Variants in CCDC102B observed in about 807,000 individuals in gnomAD.
CCDC102B encodes the protein coiled-coil domain containing 102B.
A neutral mutation model predicts 57.4 loss-of-function variants in CCDC102B; 75 were observed. The observed-to-expected ratio is 1.31, with a 90% CI of 1.08 to 1.58. CCDC102B has a LOEUF of 1.58. Among genes scored for constraint, CCDC102B ranks in the 40% most tolerant of loss-of-function variants. The probability of loss-of-function intolerance (pLI) is 0.00; values close to 1 mark genes in which losing one functional copy is unlikely to be tolerated. For synonymous variants in CCDC102B, 206 were observed against 201.9 expected, an observed-to-expected ratio of 1.02 and a Z score of -0.17; for missense variants, 636 against 582.6, an observed-to-expected ratio of 1.09 and a Z score of -0.94.
intron 5 of CCDC102B, among the ~76,000 whole-genome samples, chr18:68,875,970 G>A (rs1166035356): frequency 1.3e-5 from 2 of 152,060 alleles, no homozygotes; most frequent in Non-Finnish European, 2.9e-5. Flanking sequence ...GGTCCATTAT[G>A]AGAAAGGCTG....
At chr18:68,945,277 C>G (rs1045224276) in intron 6 of CCDC102B, among the ~76,000 whole-genome samples, 1 of 152,054 alleles carries the variant, frequency 6.6e-6, no homozygotes, top group Admixed American at 6.6e-5. Context: ...AAAAGACACT[C>G]AGTAACTACT....
intron 7 of CCDC102B, among the ~76,000 whole-genome samples, chr18:69,016,106 G>A (rs59573653): frequency 0.061 from 9,023 of 149,078 alleles, 913 homozygotes; most frequent in African/African-American, 0.21. Context: ...CTCAGGATCC[G>A]CCCGCCTCAG....
chr18:68,753,945 A>C (rs2033954347), intron 2 of CCDC102B: 1 of 152,116 alleles, frequency 6.6e-6, no homozygotes, highest in Non-Finnish European at 1.5e-5. Flanking sequence ...CAATAATAAA[A>C]ATGATTCAAA....
intron 7 of CCDC102B, among the ~76,000 whole-genome samples, chr18:69,040,817 TG>T (rs1568144083): frequency 6.6e-6 from 1 of 152,074 alleles, no homozygotes; most frequent in Admixed American, 6.6e-5. Context: ...AATCTGTTTC[TG>T]AGAGGTTAAA....
chr18:69,033,313 A>C lies in CCDC102B; in HGVS notation c.1435-20717A>C, dbSNP rs1253692230. Reference sequence around the variant, plus strand: ...AATTAATACACCATACATTTTGCCCATTTTAAGGGTTCAGTGCAATTCAAT... The same window carrying C: ...AATTAATACACCATACATTTTGCCCCTTTTAAGGGTTCAGTGCAATTCAAT... On this transcript the variant is annotated intron_variant, in intron 7 of 7. Coordinates refer to ENST00000360242, the MANE Select transcript of CCDC102B (RefSeq NM_024781.3). Among the ~76,000 whole-genome samples, 3 of 152,126 alleles carry C rather than the reference A, an allele frequency of 2.0e-5. No individual in the cohort carries two copies. In the East Asian group the frequency reaches 5.8e-4, roughly 29 times the overall value.
chr18:69,016,159 G>A (rs1044717695), intron 7 of CCDC102B, among the ~76,000 whole-genome samples: 2 of 151,380 alleles, frequency 1.3e-5, no homozygotes, highest in Admixed American at 6.6e-5. Context: ...CACCGCGCCC[G>A]GCCAATTTAA....
In CCDC102B at chr18:68,837,258, A is replaced by C. The variant is rs762556155; in HGVS notation, c.495A>C (p.Glu165Asp). The change falls in exon 2 of 8, where the codon GAA (glutamate) becomes GAC (aspartate). Residue 165 changes from glutamate (E) to aspartate (D), a missense_variant. Coordinates refer to ENST00000360242, the MANE Select transcript of CCDC102B (RefSeq NM_024781.3). ...ATCTGAAGCTTCCTGGCTTCGTAGA[A>C]GAATCCTGTGAACATACAGACCAAT... ...TQDLKLPGFVEESCEHTDQFQ... is the reference protein window; with the variant it reads ...TQDLKLPGFVDESCEHTDQFQ... 56 of 1,614,072 alleles carry C rather than the reference A, an allele frequency of 3.5e-5. 2 individuals are homozygous for C. The South Asian group carries it at 6.1e-4, about 18-fold the overall frequency.
chr18:68,788,314 G>T (rs1311462324), intron 2 of CCDC102B, among the ~76,000 whole-genome samples: 5 of 151,170 alleles, frequency 3.3e-5, no homozygotes, highest in African/African-American at 1.2e-4. Context: ...TGTTGATTTG[G>T]GGTGGAGAGT....
intron 6 of CCDC102B, among the ~76,000 whole-genome samples, chr18:69,003,929 T>C (rs1294940564): frequency 6.6e-6 from 1 of 152,198 alleles, no homozygotes; most frequent in Non-Finnish European, 1.5e-5. Flanking sequence ...ATTGAATAAA[T>C]ACAAAGACAT....
chr18:68,783,009 C>T (rs2035059225), intron 2 of CCDC102B, among the ~76,000 whole-genome samples: 1 of 152,108 alleles, frequency 6.6e-6, no homozygotes, highest in Admixed American at 6.6e-5. Context: ...TACTATCTGC[C>T]AGGCTAGAGA....
Position 68,897,302 on chromosome 18 carries a change from A to C in CCDC102B, c.1137A>C (p.Glu379Asp). The change falls in exon 6 of 8, where the codon GAA becomes GAC. Residue 379 changes from glutamate (E) to aspartate (D), a missense_variant. Physicochemically the swap from Glu to Asp is conservative, Grantham distance 45 (BLOSUM62 2). Transcript: ENST00000360242. ...GAGAAAAGCAGGGACTGGAGAGAGAAAATAGAAGGCTGAAGATCCAGGTGA... is the reference window on the plus strand; with the variant it reads ...GAGAAAAGCAGGGACTGGAGAGAGACAATAGAAGGCTGAAGATCCAGGTGA... ...LEREKQGLER[E>D]NRRLKIQVKE... 1 of 1,613,270 alleles carries C rather than the reference A, an allele frequency of 6.2e-7. No homozygotes were observed. Among genetic ancestry groups the C allele is most frequent in the South Asian group, 1.1e-5 (1 of 91,054 alleles).
intron 7 of CCDC102B, among the ~76,000 whole-genome samples, chr18:69,038,447 A>G (rs2052351046): frequency 1.3e-5 from 2 of 151,988 alleles, no homozygotes; most frequent in Admixed American, 1.3e-4. Context: ...TGATTTAGAA[A>G]TGCCTTCCAA....
At chr18:68,959,208 A>T (rs945654776) in intron 6 of CCDC102B, among the ~76,000 whole-genome samples, 3 of 152,168 alleles carry the variant, frequency 2.0e-5, no homozygotes, top group Non-Finnish European at 2.9e-5. Flanking sequence ...CACTACAGTC[A>T]TATCTGCTTT....
intron 1 of CCDC102B, among the ~76,000 whole-genome samples, chr18:68,808,051 A>G (rs183804000): frequency 9.1e-4 from 139 of 152,288 alleles, no homozygotes; most frequent in Non-Finnish European, 6.9e-4. Flanking sequence ...TCTCAAGATT[A>G]CAAACTCATC....
intron 2 of CCDC102B, among the ~76,000 whole-genome samples, chr18:68,774,575 G>A: frequency 6.6e-6 from 1 of 151,932 alleles, no homozygotes; most frequent in Admixed American, 6.6e-5. Context: ...TATGATTACA[G>A]AAAATAACTA....
At chr18:69,029,731 G>A (rs1457072169) in intron 7 of CCDC102B, among the ~76,000 whole-genome samples, 16 of 152,124 alleles carry the variant, frequency 1.1e-4, no homozygotes, top group Admixed American at 9.8e-4. Context: ...AGGTTAAAAA[G>A]GGCAGGTAAA....
chr18:68,823,162 G>A (rs529886401), intron 1 of CCDC102B, among the ~76,000 whole-genome samples: 31 of 152,296 alleles, frequency 2.0e-4, no homozygotes, highest in Admixed American at 1.5e-3. Context: ...ATTCGCATAG[G>A]TTGTAACCAA....
chr18:68,951,157 GA>G (rs1341594897), intron 6 of CCDC102B, among the ~76,000 whole-genome samples: 3 of 152,078 alleles, frequency 2.0e-5, no homozygotes, highest in African/African-American at 7.2e-5. Flanking sequence ...TAGGGGAAGG[GA>G]AAGTGCAGAA....
At chr18:68,779,159 T>C (rs530298452) in intron 2 of CCDC102B, among the ~76,000 whole-genome samples, 3 of 152,168 alleles carry the variant, frequency 2.0e-5, no homozygotes, top group African/African-American at 7.2e-5. Context: ...AAAATAAAAA[T>C]GCCCAAAATT....
Sources: allele counts gnomAD v4.1 joint callset (sites outside exome capture counted in the v4.1 genomes callset), GRCh38; gene constraint gnomAD v4.1.1; transcripts MANE v1.5; gene names NCBI Gene and HGNC (gene_info 2026-07-23, HGNC 2026-07-21).